Variants in NCK1 observed in about 807,000 individuals in gnomAD.
The protein encoded by NCK1 is SH2/SH3 adapter protein NCK1.
In NCK1, 19 loss-of-function variants were observed where a neutral mutation model predicts 36.6. The observed-to-expected ratio is 0.52, with a 90% CI of 0.36 to 0.76. The LOEUF (loss-of-function observed/expected upper bound fraction) is 0.76. Among genes scored for constraint, NCK1 ranks in the 30% least tolerant of loss-of-function variants. NCK1 has a pLI of 0.00. For missense variants in NCK1, 358 were observed against 445.6 expected (o/e 0.80, Z 1.77); for synonymous variants, 165 against 156.0 (o/e 1.06, Z -0.43).
At chr3:136,900,263 T>C (rs1198539890) in intron 1 of NCK1, among the ~76,000 whole-genome samples, 1 of 152,236 alleles carries the variant, frequency 6.6e-6, no homozygotes, top group African/African-American at 2.4e-5. Context: ...ATATGTGGAT[T>C]TATTTCTGAA....
chr3:136,948,765 T>C lies in NCK1; in HGVS notation c.*312T>C, dbSNP rs1180748066. 1 of 173,596 alleles carries C rather than the reference T, an allele frequency of 5.8e-6. No homozygotes were observed. 10.8% of individuals were successfully genotyped at this position (173,596 alleles called of 1,614,324 possible). On this transcript the variant is annotated 3_prime_UTR_variant, in exon 4 of 4. Coordinates refer to ENST00000481752, the MANE Select transcript of NCK1 (RefSeq NM_001291999.2). The stretch of plus-strand genomic sequence containing the variant: ...CAAATAATGCATATCAGAATCTTTA[T>C]ATGGAAGAAATCCTTTATTGCCTTT...
Position 136,944,111 on chromosome 3 carries a change from C to CTT in NCK1, c.227-1472_227-1471insTT, listed in dbSNP as rs1560055771. Among the ~76,000 whole-genome samples the CTT allele has an allele frequency of 6.1e-4, 49 of 80,916 alleles. 2 individuals carry two copies. Among genetic ancestry groups the CTT allele is most frequent in the African/African-American group, 1.6e-3 (28 of 17,454 alleles). The allele number at this position is 80,916 out of a possible 152,430, so 53.1% of individuals were successfully genotyped here. On this transcript the variant is annotated intron_variant, in intron 2 of 3. Coordinates refer to ENST00000481752, the MANE Select transcript of NCK1 (RefSeq NM_001291999.2). Reference sequence around the variant, plus strand: ...AAAGTCGAGGGAAAAGGAAAAACAACCTTTTTTTTTTTTTTTTTTTTTTTT... The same window carrying CTT: ...AAAGTCGAGGGAAAAGGAAAAACAACTTCTTTTTTTTTTTTTTTTTTTTTTTT...
intron 1 of NCK1, among the ~76,000 whole-genome samples, chr3:136,886,930 G>A (rs999241816): frequency 3.9e-4 from 59 of 149,958 alleles, no homozygotes; most frequent in Middle Eastern, 6.9e-3. Context: ...TGCAACCTCC[G>A]CCTCCCAGGT....
At chr3:136,905,833 C>T (rs1415756588) in intron 1 of NCK1, among the ~76,000 whole-genome samples, 1 of 152,058 alleles carries the variant, frequency 6.6e-6, no homozygotes, top group African/African-American at 2.4e-5. Flanking sequence ...CTATGTTGCC[C>T]TGGCTGGTCT....
Position 136,948,447 on chromosome 3 carries a change from A to G in NCK1, c.1128A>G (p.Leu376=), listed in dbSNP as rs541661236. ...AAAAATTATATCTTGTCAAGCATTT[A>G]TCATGATACTGCTGACCAGAAGTGA... ...QGEKLYLVKH[L]S is the part of the protein sequence containing the mutation. The change falls in exon 4 of 4, where the codon TTA becomes TTG. Residue 376 remains leucine, a synonymous_variant. Transcript: ENST00000481752. The G allele has an allele frequency of 5.0e-6, 8 of 1,611,608 alleles. No individual in the cohort carries two copies. In the African/African-American group the frequency reaches 1.1e-4, roughly 22 times the overall value.
At chr3:136,895,323 A>T (rs938322090) in intron 1 of NCK1, among the ~76,000 whole-genome samples, 1 of 151,572 alleles carries the variant, frequency 6.6e-6, no homozygotes, top group African/African-American at 2.4e-5. Context: ...TTATTTTATT[A>T]TATATATATA....
At chr3:136,935,448 A>G (rs1265297842) in intron 2 of NCK1, among the ~76,000 whole-genome samples, 1 of 151,860 alleles carries the variant, frequency 6.6e-6, no homozygotes, top group African/African-American at 2.4e-5. Flanking sequence ...AGAATCTGCT[A>G]TGTGAAACAG....
chr3:136,941,873 C>G (rs1940688326), intron 2 of NCK1, among the ~76,000 whole-genome samples: 2 of 152,178 alleles, frequency 1.3e-5, no homozygotes. Flanking sequence ...CAGTCTTGCT[C>G]TGTCTCCCAG....
chr3:136,872,135 A>C (rs1938643186), intron 1 of NCK1, among the ~76,000 whole-genome samples: 1 of 152,226 alleles, frequency 6.6e-6, no homozygotes, highest in African/African-American at 2.4e-5. Context: ...TGAAGGGATC[A>C]GAAGAGGACA....
intron 1 of NCK1, among the ~76,000 whole-genome samples, chr3:136,890,691 C>G (rs1211985461): frequency 6.6e-6 from 1 of 152,344 alleles, no homozygotes; most frequent in Admixed American, 6.5e-5. Context: ...AATATGGCTA[C>G]TGGCATTCAT....
chr3:136,879,386 G>GA (rs1938866894), intron 1 of NCK1, among the ~76,000 whole-genome samples: 1 of 152,092 alleles, frequency 6.6e-6, no homozygotes, highest in African/African-American at 2.4e-5. Context: ...GGGTATCCTG[G>GA]AAAAATGAAA....
At chr3:136,905,512 C>T (rs897187296) in intron 1 of NCK1, among the ~76,000 whole-genome samples, 2 of 152,064 alleles carry the variant, frequency 1.3e-5, no homozygotes, top group African/African-American at 4.8e-5. Flanking sequence ...CTCAGCCTTC[C>T]AAAGTGCTGG....
intron 1 of NCK1, among the ~76,000 whole-genome samples, chr3:136,880,691 A>G (rs1330774899): frequency 2.0e-5 from 3 of 152,000 alleles, no homozygotes; most frequent in African/African-American, 7.2e-5. Flanking sequence ...TGCAGCCTCA[A>G]TCTCCTAGGT....
At chr3:136,902,768 A>G (rs775590553) in intron 1 of NCK1, among the ~76,000 whole-genome samples, 25 of 152,298 alleles carry the variant, frequency 1.6e-4, no homozygotes, top group African/African-American at 6.0e-4. Context: ...GAGGAAGTCA[A>G]ACTGTCCCCC....
At chr3:136,874,091 A>G (rs1241247875) in intron 1 of NCK1, among the ~76,000 whole-genome samples, 1 of 152,214 alleles carries the variant, frequency 6.6e-6, no homozygotes, top group Non-Finnish European at 1.5e-5. Flanking sequence ...AATATAATGT[A>G]ATTTTAAAAA....
chr3:136,908,751 A>T (rs914420180), intron 1 of NCK1, among the ~76,000 whole-genome samples: 6 of 152,356 alleles, frequency 3.9e-5, no homozygotes, highest in Non-Finnish European at 5.9e-5. Context: ...AAGAGAAAAG[A>T]TATTAAAAGT....
At chr3:136,864,058 G>C (rs1433642824) in intron 1 of NCK1, among the ~76,000 whole-genome samples, 1 of 151,298 alleles carries the variant, frequency 6.6e-6, no homozygotes. Flanking sequence ...CCGAGATCGC[G>C]CCACTGCACT....
chr3:136,893,955 C>T (rs1469177521), intron 1 of NCK1, among the ~76,000 whole-genome samples: 4 of 152,086 alleles, frequency 2.6e-5, no homozygotes, highest in African/African-American at 9.7e-5. Context: ...GGACTTGAGC[C>T]TTTAGTTGCC....
intron 1 of NCK1, among the ~76,000 whole-genome samples, chr3:136,862,988 CAAAA>C (rs1033567081): frequency 5.4e-5 from 8 of 147,400 alleles, no homozygotes; most frequent in African/African-American, 2.0e-4. Context: ...TTTGGTAAAA[CAAAA>C]AACCATTTCG....
Sources: gnomAD v4.1 joint callset for allele counts (sites outside exome capture counted in the v4.1 genomes callset) on GRCh38, gnomAD v4.1.1 for gene constraint, MANE v1.5 for transcripts, NCBI Gene and HGNC (gene_info 2026-07-23, HGNC 2026-07-21) for gene names.